Variants in IKBKB observed in about 807,000 individuals in gnomAD.
IKBKB encodes the protein inhibitor of nuclear factor kappa B kinase subunit beta.
In IKBKB, 42 loss-of-function variants were observed where a neutral mutation model predicts 113.6. That is an observed-to-expected ratio of 0.37 (90% CI 0.29 to 0.48). The LOEUF (loss-of-function observed/expected upper bound fraction) is 0.48. Ranked by LOEUF, IKBKB falls within the 20% of genes least tolerant of loss-of-function variation. The probability of loss-of-function intolerance (pLI) is 0.99; values close to 1 mark genes in which losing one functional copy is unlikely to be tolerated. For missense variants in IKBKB, 673 were observed against 939.7 expected, an observed-to-expected ratio of 0.72 and a Z score of 3.71; for synonymous variants, 296 against 361.3, an observed-to-expected ratio of 0.82 and a Z score of 2.05.
intron 19 of IKBKB, chr8:42,325,757 C>T: frequency 7.3e-7 from 1 of 1,365,296 alleles, no homozygotes; most frequent in Non-Finnish European, 9.4e-7. Context: ...AATTTAGAAT[C>T]CTTTCCTCAA....
intron 19 of IKBKB, among the ~76,000 whole-genome samples, chr8:42,322,735 G>A (rs1035606715): frequency 9.2e-5 from 14 of 152,186 alleles, no homozygotes; most frequent in African/African-American, 3.4e-4. Context: ...GTAAAGATTA[G>A]CACAAACTGA....
intron 2 of IKBKB, among the ~76,000 whole-genome samples, chr8:42,277,136 T>C (rs573565463): frequency 6.6e-6 from 1 of 151,366 alleles, no homozygotes; most frequent in East Asian, 1.9e-4. Flanking sequence ...CCCAAAGTGC[T>C]GGGATTACAG....
At chr8:42,294,113 C>T (rs1248243978) in intron 5 of IKBKB, among the ~76,000 whole-genome samples, 1 of 152,200 alleles carries the variant, frequency 6.6e-6, no homozygotes, top group Non-Finnish European at 1.5e-5. Flanking sequence ...CACCTGGCCC[C>T]AGCCTGGGGA....
rs1224698773 is a variant in IKBKB at position 42,278,976 on chromosome 8, A to G, written c.105+6771A>G. Among the ~76,000 whole-genome samples, 5 of 152,148 alleles carry G rather than the reference A, an allele frequency of 3.3e-5. No individual in the cohort carries two copies. The South Asian group carries it at 8.3e-4, about 25-fold the overall frequency. ...GCTACTGCACTCCAGCCTGGGCAAC[A>G]AGAGCGAAACTCTGTCTGAGAAAAA... On this transcript the variant is annotated intron_variant, in intron 2 of 21. Transcript: ENST00000520810.
chr8:42,321,296 G>T (rs41304208), intron 16 of IKBKB: 2 of 161,056 alleles, frequency 1.2e-5, no homozygotes, highest in Admixed American at 6.0e-5. Context: ...CATGAGGGGC[G>T]GAGGGGTCTA....
At chr8:42,320,190 A>G (rs1354199333) in intron 15 of IKBKB, 1 of 157,048 alleles carries the variant, frequency 6.4e-6, no homozygotes, top group Non-Finnish European at 1.4e-5. Context: ...TCCCCTGTGT[A>G]CTTGGGCAAG....
chr8:42,323,977 A>G (rs1820259572), intron 19 of IKBKB, among the ~76,000 whole-genome samples: 1 of 152,198 alleles, frequency 6.6e-6, no homozygotes, highest in Non-Finnish European at 1.5e-5. Flanking sequence ...AGAGCCGTTC[A>G]GGGCAGGAAG....
Position 42,318,612 on chromosome 8 carries a change from G to A in IKBKB, c.1301G>A (p.Trp434Ter). The A allele has an allele frequency of 6.2e-7, 1 of 1,614,066 alleles. No homozygotes were observed. Among genetic ancestry groups the A allele is most frequent in the Non-Finnish European group, 8.5e-7 (1 of 1,179,890 alleles). ...FQLRKVWGQVWHSIQTLKEDC... is the reference protein window; with the variant it reads ...FQLRKVWGQV Reference sequence around the variant, plus strand: ...CTGAGGAAGGTGTGGGGCCAGGTCTGGCACAGCATCCAGACCCTGAAGGAA... The same window carrying A: ...CTGAGGAAGGTGTGGGGCCAGGTCTAGCACAGCATCCAGACCCTGAAGGAA... The change falls in exon 13 of 22, where the codon TGG (tryptophan) becomes TAG (stop). Residue 434 changes from tryptophan to a stop codon, truncating the protein, a stop_gained. Transcript: ENST00000520810. LOFTEE classifies it high-confidence loss of function.
At chr8:42,329,329 G>C (rs1821374584) in intron 21 of IKBKB, 115 bp downstream of exon 21, 21 of 1,373,270 alleles carry the variant, frequency 1.5e-5, no homozygotes, top group Non-Finnish European at 2.0e-5. Context: ...TTGTTTGTTT[G>C]CTTGTTTATT....
intron 19 of IKBKB, among the ~76,000 whole-genome samples, chr8:42,323,362 G>A (rs1167060006): frequency 2.0e-5 from 3 of 152,226 alleles, no homozygotes; most frequent in African/African-American, 7.2e-5. Context: ...CGCTTTCTGT[G>A]CACACCGTCT....
chr8:42,273,420 AT>A (rs542184789), intron 2 of IKBKB, among the ~76,000 whole-genome samples: 32,608 of 142,786 alleles, frequency 0.23, 6,604 homozygotes, highest in African/African-American at 0.59. Context: ...GTCTCAAAAA[AT>A]ATATATATAT....
chr8:42,308,992 G>T lies in IKBKB; in HGVS notation c.659G>T (p.Arg220Leu). Reference protein sequence around the residue: ...TLAFECITGFRPFLPNWQPVQ... With the variant: ...TLAFECITGFLPFLPNWQPVQ... ...GCCTTTGAGTGCATCACGGGCTTCC[G>T]GCCCTTCCTCCCCAACTGGCAGCCC... The change falls in exon 8 of 22, where the codon CGG (arginine) becomes CTG (leucine). Residue 220 changes from arginine to leucine, a missense_variant. Coordinates refer to ENST00000520810, the MANE Select transcript of IKBKB (RefSeq NM_001556.3). The T allele has an allele frequency of 6.2e-7, 1 of 1,614,140 alleles. No homozygotes were observed. The highest frequency in any genetic ancestry group is 8.5e-7 in the Non-Finnish European group (1 of 1,179,998).
intron 2 of IKBKB, among the ~76,000 whole-genome samples, chr8:42,276,510 TG>T (rs1446354451): frequency 6.6e-6 from 1 of 152,202 alleles, no homozygotes; most frequent in East Asian, 1.9e-4. Context: ...ATGGATAGTT[TG>T]CAAATAATTT....
Position 42,325,956 on chromosome 8 carries a change from A to G in IKBKB, c.1987-14A>G, listed in dbSNP as rs986896832. ...ATCACTTGGCTCCTAATTTCTTTTG[A>G]TTTTGTCCCCTAGAGCAAGGTCCGT... On this transcript the variant is annotated splice_polypyrimidine_tract_variant and intron_variant, in intron 19 of 21. Coordinates refer to ENST00000520810, the MANE Select transcript of IKBKB (RefSeq NM_001556.3). 2 of 1,613,428 alleles carry G rather than the reference A, an allele frequency of 1.2e-6. No individual in the cohort carries two copies.
At chr8:42,322,743 T>G (rs1214224496) in intron 19 of IKBKB, among the ~76,000 whole-genome samples, 1 of 152,168 alleles carries the variant, frequency 6.6e-6, no homozygotes, top group East Asian at 1.9e-4. Context: ...TAGCACAAAC[T>G]GAGGGGCTAA....
intron 20 of IKBKB, among the ~76,000 whole-genome samples, chr8:42,327,486 A>G (rs1820983998): frequency 6.6e-6 from 1 of 151,690 alleles, no homozygotes; most frequent in Non-Finnish European, 1.5e-5. Flanking sequence ...GGTGCATGCC[A>G]CCACAACCGG....
chr8:42,293,846 AG>A (rs1290443634), intron 5 of IKBKB, among the ~76,000 whole-genome samples: 1 of 152,084 alleles, frequency 6.6e-6, no homozygotes, highest in Non-Finnish European at 1.5e-5. Context: ...CATTCGAATG[AG>A]TTTTGTCCCT....
At chr8:42,325,762 C>T in intron 19 of IKBKB, 1 of 1,382,386 alleles carries the variant, frequency 7.2e-7, no homozygotes, top group Non-Finnish European at 9.4e-7. Flanking sequence ...AGAATCCTTT[C>T]CTCAAAAGTC....
chr8:42,298,229 G>A (rs1286976910), intron 5 of IKBKB: 2 of 985,316 alleles, frequency 2.0e-6, no homozygotes, highest in Non-Finnish European at 2.4e-6. Context: ...GATGGGGTGT[G>A]GCTCTGCTGG....
Sources: allele counts gnomAD v4.1 joint callset (sites outside exome capture counted in the v4.1 genomes callset), GRCh38; gene constraint gnomAD v4.1.1; transcripts MANE v1.5; gene names NCBI Gene and HGNC (gene_info 2026-07-23, HGNC 2026-07-21).